FRYL: variants seen among roughly 807,000 people sequenced by gnomAD.
FRYL encodes FRY like transcription coactivator.
A neutral mutation model predicts 351.2 loss-of-function variants in FRYL; 150 were observed. The observed-to-expected ratio is 0.43, with a 90% confidence interval of 0.37 to 0.49. FRYL has a LOEUF of 0.49. FRYL is among the 20% of genes least tolerant of loss of function. The pLI is 0.00. For missense variants in FRYL, 3,036 were observed against 3,619.3 expected (o/e 0.84, Z 4.13); for synonymous variants, 1,153 against 1,257.1 (o/e 0.92, Z 1.75).
chr4:48,595,785 G>T, intron 14 of FRYL, 87 bp from the exon 15 acceptor site: 1 of 1,093,974 alleles, frequency 9.1e-7, no homozygotes, highest in Non-Finnish European at 1.3e-6. Flanking sequence ...ATAATATATT[G>T]ACAGAATTCA....
At chr4:48,722,669 C>T (rs1465866102) in intron 1 of FRYL, among the ~76,000 whole-genome samples, 1 of 152,166 alleles carries the variant, frequency 6.6e-6, no homozygotes, top group Non-Finnish European at 1.5e-5. Context: ...ATAATGTTAT[C>T]TTCACTGATG....
At chr4:48,688,296 C>T (rs188699170) in intron 2 of FRYL, among the ~76,000 whole-genome samples, 190 of 152,206 alleles carry the variant, frequency 1.2e-3, no homozygotes, top group Middle Eastern at 6.8e-3. Flanking sequence ...AGGATGCAAT[C>T]GTTTTCAAAT....
chr4:48,695,153 G>A (rs554530219), intron 2 of FRYL, among the ~76,000 whole-genome samples: 1 of 152,308 alleles, frequency 6.6e-6, no homozygotes, highest in African/African-American at 2.4e-5. Flanking sequence ...GTGAACTACT[G>A]TTTAAACATA....
chr4:48,646,347 T>A (rs1186291428), intron 3 of FRYL, among the ~76,000 whole-genome samples: 1 of 152,216 alleles, frequency 6.6e-6, no homozygotes, highest in African/African-American at 2.4e-5. Context: ...CCTATTCAAA[T>A]GAATTTCTCT....
intron 3 of FRYL, among the ~76,000 whole-genome samples, chr4:48,647,056 A>C (rs565228837): frequency 6.6e-6 from 1 of 152,354 alleles, no homozygotes; most frequent in Non-Finnish European, 1.5e-5. Flanking sequence ...CATTTGAAGG[A>C]AATGGAATAC....
In FRYL at chr4:48,699,966, CA is replaced by C. The variant is rs572237582; in HGVS notation, c.-204+10552del. On this transcript the variant is annotated intron_variant, in intron 2 of 63. Coordinates refer to ENST00000358350, the MANE Select transcript of FRYL (RefSeq NM_015030.2). ...TATTTATTAGAGTAAAGCAAAAAGA[CA>C]AAAAAAATTTAAGTGCTCTAAAAAC... Among the ~76,000 whole-genome samples, 776 of 151,754 alleles carry C rather than the reference CA, an allele frequency of 5.1e-3. 7 individuals carry two copies. The highest frequency in any genetic ancestry group is 0.018 in the African/African-American group (751 of 41,386).
At chr4:48,723,034 C>T (rs1560315773) in intron 1 of FRYL, among the ~76,000 whole-genome samples, 2 of 152,080 alleles carry the variant, frequency 1.3e-5, no homozygotes, top group Admixed American at 1.3e-4. Context: ...ATGCCATCAG[C>T]AAATTCAACT....
At chr4:48,677,710 C>T (rs988323267) in intron 3 of FRYL, among the ~76,000 whole-genome samples, 8 of 151,798 alleles carry the variant, frequency 5.3e-5, no homozygotes, top group East Asian at 1.9e-4. Flanking sequence ...CGCGTCAGCC[C>T]GAAAAAATAA....
rs529021008 is a variant in FRYL, at chr4:48,728,409, CAT to C, written c.-383-17713_-383-17712del. On this transcript the variant is annotated intron_variant, in intron 1 of 63. Transcript: ENST00000358350. ...TGTGGGACAATTACAAAGAGTGTAA[CAT>C]GTGTGAAATGGGAGTACCAGAAGGA... Among the ~76,000 whole-genome samples, 582 of 151,686 alleles carry C rather than the reference CAT, an allele frequency of 3.8e-3. 6 individuals are homozygous for C. The highest frequency in any genetic ancestry group is 0.012 in the African/African-American group (495 of 41,350).
At chr4:48,650,344 T>C (rs954362641) in intron 3 of FRYL, among the ~76,000 whole-genome samples, 4 of 152,108 alleles carry the variant, frequency 2.6e-5, no homozygotes, top group Non-Finnish European at 5.9e-5. Flanking sequence ...AGAGCTTAAA[T>C]AAGCATTAAA....
intron 33 of FRYL, among the ~76,000 whole-genome samples, chr4:48,560,879 A>G (rs1327991871): frequency 6.6e-6 from 1 of 152,184 alleles, no homozygotes; most frequent in Non-Finnish European, 1.5e-5. Context: ...TAAGTCCACT[A>G]TCTCTTGAGC....
intron 26 of FRYL, chr4:48,571,967 G>A (rs1273175357): frequency 3.6e-5 from 35 of 985,130 alleles, no homozygotes; most frequent in Middle Eastern, 5.2e-4. Flanking sequence ...AAGTCATCCA[G>A]CACTGTAACC....
intron 1 of FRYL, among the ~76,000 whole-genome samples, chr4:48,757,438 C>T (rs1773913925): frequency 6.6e-6 from 1 of 152,154 alleles, no homozygotes; most frequent in African/African-American, 2.4e-5. Flanking sequence ...CATTCCTATA[C>T]ACCAATAACA....
chr4:48,662,547 A>G (rs1349249367), intron 3 of FRYL, among the ~76,000 whole-genome samples: 2 of 152,070 alleles, frequency 1.3e-5, no homozygotes, highest in Non-Finnish European at 2.9e-5. Flanking sequence ...ATCTCAAGCA[A>G]AAGTAAACAA....
intron 2 of FRYL, among the ~76,000 whole-genome samples, chr4:48,685,441 T>A (rs967780163): frequency 6.6e-6 from 1 of 152,336 alleles, no homozygotes; most frequent in African/African-American, 2.4e-5. Context: ...TACTAGCCAA[T>A]GGTTAAACTA....
At chr4:48,578,894 CTT>C in intron 23 of FRYL, 77 bp downstream of exon 23, 1 of 1,277,664 alleles carries the variant, frequency 7.8e-7, no homozygotes, top group Non-Finnish European at 1.1e-6. Flanking sequence ...ATCTGTAATA[CTT>C]TTGAATTTTT....
intron 2 of FRYL, among the ~76,000 whole-genome samples, chr4:48,706,815 T>G (rs1284091830): frequency 6.6e-6 from 1 of 152,066 alleles, no homozygotes; most frequent in Admixed American, 6.6e-5. Context: ...TATGGAAGGG[T>G]CAAGGAATTG....
Position 48,528,169 on chromosome 4 carries a change from A to G in FRYL, c.7065+6T>C, listed in dbSNP as rs752938909. The G allele has an allele frequency of 5.6e-6, 9 of 1,610,760 alleles. No homozygotes were observed. Among genetic ancestry groups the G allele is most frequent in the Non-Finnish European group, 7.6e-6 (9 of 1,177,842 alleles). The stretch of plus-strand genomic sequence containing the variant: ...TGAATGTTCCATTTTGATATTCTTT[A>G]TGTACCTGTGATAACTGTGGCCTTT... On this transcript the variant is annotated splice_donor_region_variant and intron_variant, in intron 51 of 63. Coordinates refer to ENST00000358350, the MANE Select transcript of FRYL (RefSeq NM_015030.2).
At chr4:48,544,274 G>A (rs996147845) in intron 43 of FRYL, among the ~76,000 whole-genome samples, 1 of 152,134 alleles carries the variant, frequency 6.6e-6, no homozygotes, top group Non-Finnish European at 1.5e-5. Context: ...CCTGAGCAGG[G>A]TATGATGTTT....
Sources: allele counts gnomAD v4.1 joint callset (sites outside exome capture counted in the v4.1 genomes callset), GRCh38; gene constraint gnomAD v4.1.1; transcripts MANE v1.5; gene names NCBI Gene and HGNC (gene_info 2026-07-23, HGNC 2026-07-21).